The following LRRC73 variants were observed in gnomAD, a reference collection of about 807,000 sequenced individuals.
The protein encoded by LRRC73 is leucine rich repeat containing 73.
In LRRC73, 16 loss-of-function variants were observed where a neutral mutation model predicts 26.4. The ratio of observed to expected loss-of-function variants is 0.61; its 90% CI spans 0.41 to 0.92. The LOEUF (loss-of-function observed/expected upper bound fraction) is 0.92, where lower values mean the gene tolerates loss of function less well. LRRC73 is among the 40% of genes least tolerant of loss of function. LRRC73 has a pLI of 0.00. For missense variants in LRRC73, 344 were observed against 416.3 expected, an observed-to-expected ratio of 0.83 and a Z score of 1.51; for synonymous variants, 210 against 179.8, an observed-to-expected ratio of 1.17 and a Z score of -1.34.
At chr6:43,509,708 G>T in exon 1 of LRRC73, 1 of 1,590,816 alleles carries the variant, frequency 6.3e-7, no homozygotes, top group Non-Finnish European at 8.5e-7. Context: ...CGGCGTTGTC[G>T]CGAAGGCCGC....
chr6:43,508,491 C>T, intron 2 of LRRC73, 71 bp from the exon 3 acceptor site: 1 of 1,603,702 alleles, frequency 6.2e-7, no homozygotes, highest in Middle Eastern at 2.0e-4. Context: ...CCCACAATCC[C>T]TGTGTCTCTG....
At chr6:43,507,249 T>C in exon 6 of LRRC73, 2 of 1,613,868 alleles carry the variant, frequency 1.2e-6, no homozygotes, top group Non-Finnish European at 1.7e-6. Flanking sequence ...CACATCTCGG[T>C]CTCAGCCAAC....
intron 1 of LRRC73, 141 bp downstream of exon 1, chr6:43,509,373 C>G: frequency 1.8e-6 from 2 of 1,109,326 alleles, no homozygotes; most frequent in Non-Finnish European, 2.5e-6. Context: ...GCTGTGAAGG[C>G]ATGGGCCGAG....
In LRRC73 at chr6:43,509,504, G is replaced by A; in HGVS notation, c.272+10C>T. The A allele has an allele frequency of 6.3e-7, 1 of 1,595,172 alleles. No homozygotes were observed. Among genetic ancestry groups the A allele is most frequent in the Non-Finnish European group, 8.6e-7 (1 of 1,169,524 alleles). ...GTGCCCGGGACCCCCTTGCGAGGGG[G>A]CGCACTCACAAGAGGGACTGGATGG... On this transcript the variant is annotated intron_variant, in intron 1 of 5. Coordinates refer to ENST00000372441, the Ensembl canonical transcript of LRRC73.
At chr6:43,509,906 G>A (rs1039059517) in exon 1 of LRRC73, 1 of 811,270 alleles carries the variant, frequency 1.2e-6, no homozygotes, top group African/African-American at 1.8e-5. Context: ...AGTGGGGCCG[G>A]GGGTGGAGGC....
At chr6:43,507,237 G>C (rs1325897367) in exon 6 of LRRC73, 1 of 1,613,782 alleles carries the variant, frequency 6.2e-7, no homozygotes, top group East Asian at 2.2e-5. Context: ...CCAGTGGAGA[G>C]TCACATCTCG....
rs748779380 is a variant in LRRC73 at position 43,509,638 on chromosome 6, G to C, written c.148C>G (p.Arg50Gly). 34 of 1,600,782 alleles carry C rather than the reference G, an allele frequency of 2.1e-5. No individual in the cohort carries two copies. In the Admixed American group the frequency reaches 3.6e-4, roughly 17 times the overall value. The change falls in exon 1 of 6, where the codon CGG becomes GGG. Residue 50 changes from arginine (R) to glycine (G), a missense_variant. Physicochemically the swap from Arg to Gly is moderately radical, Grantham distance 125. Coordinates refer to ENST00000372441, the Ensembl canonical transcript of LRRC73. ...AGGGACGTGGCCCCGGCCAGGGCCC[G>C]GCAGATGCGGCCAAAGTCGCGGTCG... is the stretch of plus-strand genomic sequence containing the variant.
At chr6:43,509,380 C>G in intron 1 of LRRC73, 134 bp downstream of exon 1, 1 of 1,176,652 alleles carries the variant, frequency 8.5e-7, no homozygotes, top group Non-Finnish European at 1.2e-6. Context: ...AGGCATGGGC[C>G]GAGGCACGGT....
chr6:43,509,084 T>A lies in LRRC73; in HGVS notation c.273-164A>T, dbSNP rs536816532. Among the ~76,000 whole-genome samples the A allele has an allele frequency of 4.1e-5, 6 of 144,590 alleles. No individual in the cohort carries two copies. In the East Asian group the frequency reaches 1.0e-3, roughly 24 times the overall value. 94.9% of individuals were successfully genotyped at this position (144,590 alleles called of 152,430 possible). A position where few individuals can be genotyped will look rare whatever the true frequency, so the allele number is the denominator to read the frequency against. Reference sequence around the variant, plus strand: ...GTTCTAGATTCTCAGGGAATACAGATAGAGGGAGAATTCGGTTTGTTTTCT... The same window carrying A: ...GTTCTAGATTCTCAGGGAATACAGAAAGAGGGAGAATTCGGTTTGTTTTCT... On this transcript the variant is annotated intron_variant, in intron 1 of 5. Coordinates refer to ENST00000372441, the Ensembl canonical transcript of LRRC73.
intron 4 of LRRC73, 21 bp from the exon 5 acceptor site, chr6:43,507,699 GA>G: frequency 6.2e-7 from 1 of 1,611,612 alleles, no homozygotes; most frequent in Non-Finnish European, 8.5e-7. Flanking sequence ...GAAGAATATG[GA>G]AAAGGATGAA....
At chr6:43,507,775 A>G (rs1414910985) in intron 4 of LRRC73, 51 bp downstream of exon 4, 1 of 1,597,698 alleles carries the variant, frequency 6.3e-7, no homozygotes, top group East Asian at 2.2e-5. Context: ...AGACACATAA[A>G]CTAACCTCCA....
exon 6 of LRRC73, chr6:43,507,195 G>T (rs1257705414): frequency 1.9e-6 from 3 of 1,605,126 alleles, no homozygotes; most frequent in South Asian, 2.2e-5. Flanking sequence ...AAGGTGCTCG[G>T]GACATAGATA....
chr6:43,508,968 T>C, intron 1 of LRRC73, 48 bp from the exon 2 acceptor site: 1 of 1,472,050 alleles, frequency 6.8e-7, no homozygotes, highest in Non-Finnish European at 9.1e-7. Flanking sequence ...CCGCACTATC[T>C]ACATGGGAAA....
At chr6:43,507,122 C>A in exon 6 of LRRC73, 1 of 1,058,662 alleles carries the variant, frequency 9.4e-7, no homozygotes, top group Non-Finnish European at 1.4e-6. Flanking sequence ...TGCCAGAGCC[C>A]CCATGCAGCC....
intron 3 of LRRC73, 39 bp from the exon 4 acceptor site, chr6:43,507,965 C>T: frequency 1.9e-6 from 3 of 1,543,704 alleles, no homozygotes; most frequent in Non-Finnish European, 2.7e-6. Flanking sequence ...CATACACATG[C>T]CTGCTAATCC....
At chr6:43,508,963 C>G (rs1022904256) in intron 1 of LRRC73, 43 bp from the exon 2 acceptor site, 1 of 1,508,404 alleles carries the variant, frequency 6.6e-7, no homozygotes, top group Non-Finnish European at 8.9e-7. Context: ...GTCCTCCGCA[C>G]TATCTACATG....
At chr6:43,508,563 A>G in intron 2 of LRRC73, 143 bp from the exon 3 acceptor site, 3 of 1,417,244 alleles carry the variant, frequency 2.1e-6, no homozygotes, top group Non-Finnish European at 2.9e-6. Context: ...GCCATTAAGG[A>G]GGCCCATGCT....
chr6:43,508,627 GCCC>G (rs1792578710), intron 2 of LRRC73, 130 bp downstream of exon 2: 1 of 1,414,142 alleles, frequency 7.1e-7, no homozygotes, highest in African/African-American at 1.4e-5. Flanking sequence ...CCCCCGTCCT[GCCC>G]CTTCCTGAGA....
At chr6:43,508,108 C>T (rs559363531) in intron 3 of LRRC73, among the ~76,000 whole-genome samples, 182 bp from the exon 4 acceptor site, 5 of 152,308 alleles carry the variant, frequency 3.3e-5, no homozygotes, top group Non-Finnish European at 7.4e-5. Context: ...GTTAGGCCCA[C>T]GGGTGGTGAC....
Sources: allele counts gnomAD v4.1 joint callset (sites outside exome capture counted in the v4.1 genomes callset), GRCh38; gene constraint gnomAD v4.1.1; transcripts MANE v1.5; gene names NCBI Gene and HGNC (gene_info 2026-07-23, HGNC 2026-07-21).